RARB: variants seen among roughly 807,000 people sequenced by gnomAD.
The protein encoded by RARB is retinoic acid receptor beta, also known as HBV-activated protein.
A neutral mutation model predicts 51.9 loss-of-function variants in RARB; 17 were observed. The ratio of observed to expected loss-of-function variants is 0.33; its 90% CI spans 0.22 to 0.49. The LOEUF (loss-of-function observed/expected upper bound fraction) is 0.49. Ranked by LOEUF, RARB falls within the 20% of genes least tolerant of loss-of-function variation. The pLI, the probability that RARB is intolerant of heterozygous loss-of-function variation, is 0.99. For missense variants in RARB, 369 were observed against 550.8 expected (o/e 0.67, Z 3.30); for synonymous variants, 215 against 195.4 (o/e 1.10, Z -0.84).
chr3:25,160,043 A>T (rs1260623546), intron 4 of RARB, among the ~76,000 whole-genome samples: 1 of 152,198 alleles, frequency 6.6e-6, no homozygotes, highest in Non-Finnish European at 1.5e-5. Context: ...CTGAGATTTG[A>T]TATTTTTGTT....
intron 5 of RARB, among the ~76,000 whole-genome samples, chr3:25,587,652 G>A (rs1277977543): frequency 6.6e-6 from 1 of 152,126 alleles, no homozygotes; most frequent in African/African-American, 2.4e-5. Flanking sequence ...AGGTCCCATT[G>A]GGGAAAACAT....
At chr3:25,179,079 A>T (rs1469760701) in intron 5 of RARB, among the ~76,000 whole-genome samples, 1 of 152,220 alleles carries the variant, frequency 6.6e-6, no homozygotes, top group Non-Finnish European at 1.5e-5. Context: ...CTCCTGTCAA[A>T]ATCACAAAAT....
At chr3:25,130,231 A>T (rs538514108) in intron 3 of RARB, among the ~76,000 whole-genome samples, 3 of 152,048 alleles carry the variant, frequency 2.0e-5, no homozygotes, top group Non-Finnish European at 4.4e-5. Context: ...GGACTTTTAC[A>T]CATGGTTTTC....
At chr3:25,311,126 G>A (rs951040678) in intron 5 of RARB, among the ~76,000 whole-genome samples, 1 of 152,188 alleles carries the variant, frequency 6.6e-6, no homozygotes, top group Non-Finnish European at 1.5e-5. Context: ...CATAGAGGGT[G>A]TCGGGTTTGT....
chr3:25,028,668 G>A lies in RARB; in HGVS notation c.-379-31457G>A, dbSNP rs375353269. 7.2e-5 allele frequency among the ~76,000 whole-genome samples: 11 copies of A among 152,242 alleles called. No individual in the cohort carries two copies. In the East Asian group the frequency reaches 1.2e-3, roughly 16 times the overall value. On this transcript the variant is annotated intron_variant, in intron 2 of 11. Coordinates refer to the RARB transcript ENST00000383772. The stretch of plus-strand genomic sequence containing the variant: ...GAGGATAAAGGGTGTTTGTGGGAGA[G>A]GAAACCTGGTTTACCGGGAGAGCCA...
intron 2 of RARB, among the ~76,000 whole-genome samples, chr3:24,981,366 C>G (rs1696667957): frequency 6.6e-6 from 1 of 152,196 alleles, no homozygotes; most frequent in Non-Finnish European, 1.5e-5. Flanking sequence ...TAGTTATGCC[C>G]TGACCCCAGA....
At chr3:25,223,571 A>G (rs1005667742) in intron 5 of RARB, among the ~76,000 whole-genome samples, 4 of 152,204 alleles carry the variant, frequency 2.6e-5, no homozygotes, top group African/African-American at 9.7e-5. Context: ...TATGTCTGCA[A>G]TATCTAGCCC....
intron 2 of RARB, among the ~76,000 whole-genome samples, chr3:24,919,639 C>T (rs895929042): frequency 6.6e-6 from 1 of 152,164 alleles, no homozygotes; most frequent in Admixed American, 6.5e-5. Context: ...GTTCTTTGCT[C>T]AATTAAACTG....
At chr3:25,279,669 G>T (rs1703475019) in intron 5 of RARB, among the ~76,000 whole-genome samples, 1 of 152,004 alleles carries the variant, frequency 6.6e-6, no homozygotes. Flanking sequence ...AGTTAGAGTG[G>T]TTTTGAGAAA....
rs150720585 is a variant in RARB at position 25,529,101 on chromosome 3, T to C, written c.448+27778T>C. 2.6e-4 allele frequency among the ~76,000 whole-genome samples: 40 copies of C among 152,180 alleles called. No individual in the cohort carries two copies. The East Asian group carries it at 7.4e-3, about 28-fold the overall frequency. ...TGAGGAGTAATTAGAATATTACAGC[T>C]GGTTGGAGGATAAGTGGATACAACA... On this transcript the variant is annotated intron_variant, in intron 3 of 7. Coordinates refer to ENST00000330688, the MANE Select transcript of RARB (RefSeq NM_000965.5).
At chr3:25,247,411 C>T (rs534270072) in intron 5 of RARB, among the ~76,000 whole-genome samples, 1 of 152,320 alleles carries the variant, frequency 6.6e-6, no homozygotes, top group African/African-American at 2.4e-5. Context: ...GTCCAAACGG[C>T]CACCCAGTTT....
chr3:25,002,171 T>C (rs187357649), intron 2 of RARB, among the ~76,000 whole-genome samples: 1 of 152,240 alleles, frequency 6.6e-6, no homozygotes, highest in Admixed American at 6.5e-5. Context: ...CATTACAACA[T>C]TCACTTAACA....
intron 5 of RARB, among the ~76,000 whole-genome samples, chr3:25,355,862 C>G (rs918049944): frequency 6.6e-6 from 1 of 151,852 alleles, no homozygotes; most frequent in African/African-American, 2.4e-5. Context: ...ATTTTATTTG[C>G]TTTGTGAGTA....
chr3:25,153,401 T>C (rs906761163), intron 4 of RARB, among the ~76,000 whole-genome samples: 1 of 152,162 alleles, frequency 6.6e-6, no homozygotes, highest in Non-Finnish European at 1.5e-5. Flanking sequence ...ACGAAGGACA[T>C]GCAGAGATAA....
rs1419596197 is a variant in RARB, at chr3:25,596,515, T to C, written c.1246T>C (p.Leu416=). 1 of 1,613,492 alleles carries C rather than the reference T, an allele frequency of 6.2e-7. No homozygotes were observed. The highest frequency in any genetic ancestry group is 8.5e-7 in the Non-Finnish European group (1 of 1,179,556). The change falls in exon 8 of 8, where the codon TTG becomes CTG. Residue 416 remains leucine (L), a synonymous_variant. Transcript: ENST00000330688. ...GGAGAATTCTGAAGGACATGAACCC[T>C]TGACCCCAAGTTCAAGTGGGAACAC... is the stretch of plus-strand genomic sequence containing the variant. ...MLENSEGHEP[L]TPSSSGNTAE...
At chr3:25,192,775 A>AC (rs1474961893) in intron 5 of RARB, among the ~76,000 whole-genome samples, 3 of 152,036 alleles carry the variant, frequency 2.0e-5, no homozygotes, top group Non-Finnish European at 4.4e-5. Flanking sequence ...CACCAGTGTC[A>AC]CCCATCGAAA....
chr3:24,895,611 G>C (rs1482568427), intron 2 of RARB, among the ~76,000 whole-genome samples: 1 of 96,306 alleles, frequency 1.0e-5, no homozygotes, highest in African/African-American at 4.8e-5. Context: ...CCTTACAATT[G>C]GGTCTTTTTT....
chr3:25,082,757 G>C (rs916564002), intron 3 of RARB, among the ~76,000 whole-genome samples: 1 of 152,024 alleles, frequency 6.6e-6, no homozygotes, highest in East Asian at 1.9e-4. Context: ...CCTTCTGACA[G>C]TATTTTACTT....
intron 2 of RARB, among the ~76,000 whole-genome samples, chr3:25,051,772 G>A (rs1351414630): frequency 6.6e-6 from 1 of 152,146 alleles, no homozygotes; most frequent in Non-Finnish European, 1.5e-5. Flanking sequence ...TGATAGAGGA[G>A]AGAACATGGC....
Sources: gnomAD v4.1 joint callset for allele counts (sites outside exome capture counted in the v4.1 genomes callset) on GRCh38, gnomAD v4.1.1 for gene constraint, MANE v1.5 for transcripts, NCBI Gene and HGNC (gene_info 2026-07-23, HGNC 2026-07-21) for gene names.